DDX50: variants seen among roughly 807,000 people sequenced by gnomAD.
DDX50 encodes the protein ATP-dependent RNA helicase DDX50.
In DDX50, 56 loss-of-function variants were observed where a neutral mutation model predicts 94.8. The ratio of observed to expected loss-of-function variants is 0.59; its 90% CI spans 0.48 to 0.74. The LOEUF (loss-of-function observed/expected upper bound fraction) is 0.74, where lower values mean the gene tolerates loss of function less well. Among genes scored for constraint, DDX50 ranks in the 30% least tolerant of loss-of-function variants. DDX50 has a pLI of 0.00. For missense variants in DDX50, 713 were observed against 881.2 expected (o/e 0.81, Z 2.42); for synonymous variants, 264 against 295.4 (o/e 0.89, Z 1.09).
intron 8 of DDX50, among the ~76,000 whole-genome samples, chr10:68,930,205 C>T (rs561526006): frequency 3.0e-4 from 44 of 146,030 alleles, no homozygotes; most frequent in South Asian, 1.8e-3. Context: ...GCAACTTCTG[C>T]CTCCCGGGTT....
chr10:68,913,351 T>A, intron 5 of DDX50, 40 bp from the exon 6 acceptor site: 2 of 1,603,246 alleles, frequency 1.2e-6, no homozygotes, highest in Admixed American at 1.7e-5. Context: ...ATGTGAAAGT[T>A]TGAATTTTAC....
At chr10:68,927,862 A>T (rs976173242) in intron 8 of DDX50, among the ~76,000 whole-genome samples, 10 of 152,174 alleles carry the variant, frequency 6.6e-5, no homozygotes, top group African/African-American at 2.4e-4. Flanking sequence ...TCCTATTTAA[A>T]GGGATACTTT....
intron 8 of DDX50, among the ~76,000 whole-genome samples, chr10:68,927,854 C>T (rs908012424): frequency 6.6e-5 from 10 of 152,022 alleles, no homozygotes; most frequent in African/African-American, 2.4e-4. Flanking sequence ...TATAAGCTTC[C>T]TATTTAAAGG....
intron 1 of DDX50, among the ~76,000 whole-genome samples, chr10:68,905,158 C>T (rs111594642): frequency 0.011 from 1,730 of 152,214 alleles, 38 homozygotes; most frequent in African/African-American, 0.039. Context: ...TCAGGTGATC[C>T]GCCCAACCTC....
intron 7 of DDX50, among the ~76,000 whole-genome samples, chr10:68,918,864 T>A (rs150795863): frequency 6.6e-6 from 1 of 152,258 alleles, no homozygotes; most frequent in East Asian, 1.9e-4. Flanking sequence ...ATATATATGA[T>A]GGCATATGCT....
chr10:68,902,487 T>A (rs1270260590), intron 1 of DDX50, among the ~76,000 whole-genome samples: 1 of 152,224 alleles, frequency 6.6e-6, no homozygotes, highest in Non-Finnish European at 1.5e-5. Flanking sequence ...CGTTTATCAT[T>A]TTAACCATTT....
At chr10:68,911,388 A>G in intron 4 of DDX50, 142 bp downstream of exon 4, 1 of 930,374 alleles carries the variant, frequency 1.1e-6, no homozygotes, top group Admixed American at 3.7e-5. Flanking sequence ...TTTTTCACAA[A>G]AAGAAATTTC....
intron 12 of DDX50, 63 bp downstream of exon 12, chr10:68,937,158 T>C (rs1842442798): frequency 3.5e-6 from 5 of 1,434,696 alleles, no homozygotes; most frequent in Non-Finnish European, 4.6e-6. Flanking sequence ...ATAGGAAATA[T>C]TGTAGTGAAT....
intron 2 of DDX50, among the ~76,000 whole-genome samples, chr10:68,907,690 A>G: frequency 6.6e-6 from 1 of 151,956 alleles, no homozygotes; most frequent in Non-Finnish European, 1.5e-5. Context: ...CTTAATGCAT[A>G]ATCTTTGGGG....
intron 14 of DDX50, 55 bp downstream of exon 14, chr10:68,943,312 T>C (rs2132066000): frequency 7.2e-7 from 1 of 1,390,028 alleles, no homozygotes; most frequent in South Asian, 1.3e-5. Flanking sequence ...AACATTTAGA[T>C]TGGGATATTT....
intron 13 of DDX50, among the ~76,000 whole-genome samples, chr10:68,942,753 A>G (rs1842582054): frequency 6.6e-6 from 1 of 152,028 alleles, no homozygotes; most frequent in Non-Finnish European, 1.5e-5. Context: ...AGCTGGGACT[A>G]CAGTCATGCA....
intron 4 of DDX50, among the ~76,000 whole-genome samples, chr10:68,912,578 T>C (rs1841659959): frequency 6.6e-6 from 1 of 152,212 alleles, no homozygotes; most frequent in Non-Finnish European, 1.5e-5. Flanking sequence ...CTCCGCCATT[T>C]CTAGGTGTTT....
chr10:68,909,640 C>T (rs981695126), intron 2 of DDX50, among the ~76,000 whole-genome samples: 1 of 151,890 alleles, frequency 6.6e-6, no homozygotes, highest in Non-Finnish European at 1.5e-5. Flanking sequence ...GTTTGGAGGC[C>T]AAGGTAGGAG....
At chr10:68,923,612 G>A (rs994230061) in intron 8 of DDX50, among the ~76,000 whole-genome samples, 1 of 150,422 alleles carries the variant, frequency 6.6e-6, no homozygotes, top group East Asian at 2.0e-4. Flanking sequence ...GCAAGATCCC[G>A]GCTCACTGCA....
In DDX50 at chr10:68,906,588, A is replaced by G. The variant is rs1274158783; in HGVS notation, c.88-123A>G. On this transcript the variant is annotated intron_variant, in intron 1 of 14. Transcript: ENST00000373585. ...TTAGTAAGCAGTCTGGATTTCTACC[A>G]GGCAGGTTTTCAAAGTAACTGTAGA... The G allele has an allele frequency of 7.8e-6, 8 of 1,029,564 alleles. No homozygotes were observed. The Admixed American group carries it at 1.3e-4, about 17-fold the overall frequency. The allele number at this position is 1,029,564 out of a possible 1,614,324, so 63.8% of individuals were successfully genotyped here.
In DDX50 at chr10:68,929,725, C is replaced by CTT. The variant is rs35522934; in HGVS notation, c.1240-4456_1240-4455dup. On this transcript the variant is annotated intron_variant, in intron 8 of 14. Coordinates refer to ENST00000373585, the MANE Select transcript of DDX50 (RefSeq NM_024045.2). Reference sequence around the variant, plus strand: ...AGGCATGAGCCACTGCGCCTGGCCTCTTTTTTTTTTTTTTTTTTTGAGATG... The same window carrying CTT: ...AGGCATGAGCCACTGCGCCTGGCCTCTTTTTTTTTTTTTTTTTTTTTGAGATG... Among the ~76,000 whole-genome samples, 415 of 127,226 alleles carry CTT rather than the reference C, an allele frequency of 3.3e-3. 2 individuals carry two copies. Among genetic ancestry groups the CTT allele is most frequent in the Middle Eastern group, 8.5e-3 (2 of 236 alleles). The allele number at this position is 127,226 out of a possible 152,430, so 83.5% of individuals were successfully genotyped here. A position where few individuals can be genotyped will look rare whatever the true frequency, so the allele number is the denominator to read the frequency against.
intron 7 of DDX50, among the ~76,000 whole-genome samples, chr10:68,917,228 G>T (rs575421172): frequency 1.3e-5 from 2 of 152,056 alleles, no homozygotes; most frequent in Non-Finnish European, 1.5e-5. Context: ...GGGAGGACGA[G>T]GATGGTAGAT....
At chr10:68,915,344 T>G (rs1589254128) in intron 7 of DDX50, among the ~76,000 whole-genome samples, 1 of 148,312 alleles carries the variant, frequency 6.7e-6, no homozygotes, top group African/African-American at 2.5e-5. Context: ...ATCCGGGAGG[T>G]GAAGCTTGCA....
chr10:68,929,797 A>C (rs1482167022), intron 8 of DDX50, among the ~76,000 whole-genome samples: 4 of 138,002 alleles, frequency 2.9e-5, no homozygotes, highest in African/African-American at 1.1e-4. Flanking sequence ...TGCGATGTCG[A>C]CTCACTGAAA....
Sources: allele counts gnomAD v4.1 joint callset (sites outside exome capture counted in the v4.1 genomes callset), GRCh38; gene constraint gnomAD v4.1.1; transcripts MANE v1.5; gene names NCBI Gene and HGNC (gene_info 2026-07-23, HGNC 2026-07-21).